The following PDGFD variants were observed in gnomAD, a reference collection of about 807,000 sequenced individuals.
PDGFD encodes the protein platelet derived growth factor D.
In PDGFD, 30 loss-of-function variants were observed where a neutral mutation model predicts 44.7. The ratio of observed to expected loss-of-function variants is 0.67; its 90% CI spans 0.50 to 0.91. The LOEUF (loss-of-function observed/expected upper bound fraction) is 0.91. PDGFD is among the 40% of genes least tolerant of loss of function. The pLI is 0.00. For synonymous variants in PDGFD, 173 were observed against 168.4 expected (o/e 1.03, Z -0.21); for missense variants, 445 against 457.8 (o/e 0.97, Z 0.25).
intron 1 of PDGFD, among the ~76,000 whole-genome samples, chr11:104,034,817 T>C (rs1314451113): frequency 6.6e-6 from 1 of 152,096 alleles, no homozygotes. Context: ...TAATTTTTTG[T>C]ATTTTTAGTA....
intron 3 of PDGFD, among the ~76,000 whole-genome samples, chr11:103,975,660 T>G (rs1268219578): frequency 6.6e-6 from 1 of 152,120 alleles, no homozygotes; most frequent in Non-Finnish European, 1.5e-5. Flanking sequence ...CCATCTTGAG[T>G]TAATTTTGTA....
In PDGFD at chr11:104,119,008, A is replaced by ATATCGATATATTATAT. The variant is rs1555055376; in HGVS notation, c.124+44795_124+44796insATATAATATATCGATA. Among the ~76,000 whole-genome samples the ATATCGATATATTATAT allele has an allele frequency of 9.8e-4, 12 of 12,202 alleles. 5 individuals are homozygous for ATATCGATATATTATAT. The highest frequency in any genetic ancestry group is 3.8e-3 in the African/African-American group (10 of 2,640). The allele number at this position is 12,202 out of a possible 152,430, so 8.0% of individuals were successfully genotyped here. On this transcript the variant is annotated intron_variant, in intron 1 of 6. Transcript: ENST00000393158. ...TAATTTATTAATATAATAAAATAAT[A>ATATCGATATATTATAT]TAATATATTATATAATATATCGATA...
At chr11:103,925,309 G>A (rs981789159) in intron 6 of PDGFD, among the ~76,000 whole-genome samples, 1 of 152,046 alleles carries the variant, frequency 6.6e-6, no homozygotes, top group African/African-American at 2.4e-5. Context: ...TAATCATTTG[G>A]GTATATACCC....
chr11:104,033,612 C>T (rs1038154002), intron 1 of PDGFD, among the ~76,000 whole-genome samples: 1 of 151,836 alleles, frequency 6.6e-6, no homozygotes. Context: ...TTATGAAAAA[C>T]AAAAGGAAGC....
At chr11:104,104,331 G>A (rs372571810) in intron 1 of PDGFD, among the ~76,000 whole-genome samples, 1 of 152,156 alleles carries the variant, frequency 6.6e-6, no homozygotes. Flanking sequence ...TATAGGCTAA[G>A]TGTACAGTGT....
At chr11:104,021,288 G>C (rs1288352375) in intron 1 of PDGFD, among the ~76,000 whole-genome samples, 2 of 152,170 alleles carry the variant, frequency 1.3e-5, no homozygotes, top group African/African-American at 4.8e-5. Flanking sequence ...AGAGAGAAAA[G>C]AGGCCAATTT....
intron 1 of PDGFD, among the ~76,000 whole-genome samples, chr11:104,101,548 A>C (rs908662491): frequency 3.9e-5 from 6 of 152,124 alleles, no homozygotes; most frequent in Admixed American, 2.0e-4. Flanking sequence ...GCTACCAATG[A>C]CTTTCTTCAC....
chr11:104,011,242 C>T (rs1859781798), intron 1 of PDGFD, among the ~76,000 whole-genome samples: 1 of 152,036 alleles, frequency 6.6e-6, no homozygotes, highest in Admixed American at 6.5e-5. Flanking sequence ...TTCTTAGTCA[C>T]TTCTGACTAA....
intron 1 of PDGFD, among the ~76,000 whole-genome samples, chr11:104,051,278 G>A (rs1860532544): frequency 6.6e-6 from 1 of 152,094 alleles, no homozygotes; most frequent in Non-Finnish European, 1.5e-5. Context: ...TAATTTTAAT[G>A]GTATTGACCA....
chr11:104,157,679 C>T lies in PDGFD; in HGVS notation c.124+6125G>A, dbSNP rs970987959. 3.3e-5 allele frequency among the ~76,000 whole-genome samples: 5 copies of T among 152,158 alleles called. 1 individual carries two copies. Among genetic ancestry groups the T allele is most frequent in the African/African-American group, 1.2e-4 (5 of 41,432 alleles). The stretch of plus-strand genomic sequence containing the variant: ...CTGAACTCCTTCAGTCCGGAGAAGG[C>T]ATGCTGGATTTTAACATTTTAAAAA... On this transcript the variant is annotated intron_variant, in intron 1 of 6. Coordinates refer to ENST00000393158, the MANE Select transcript of PDGFD (RefSeq NM_025208.5).
chr11:103,967,978 C>G (rs1321188982), intron 3 of PDGFD, among the ~76,000 whole-genome samples: 2 of 152,128 alleles, frequency 1.3e-5, no homozygotes, highest in African/African-American at 4.8e-5. Flanking sequence ...CTTGCTCCAC[C>G]ACTGTGATGT....
chr11:103,955,976 T>C (rs940328760), intron 3 of PDGFD, among the ~76,000 whole-genome samples: 72 of 152,186 alleles, frequency 4.7e-4, no homozygotes, highest in Admixed American at 1.4e-3. Flanking sequence ...CAAGATATTT[T>C]TAAAAGTTCA....
chr11:104,004,872 C>CTTTTTTTTTTTTTTTTTTTTTTTT (rs33979812), intron 1 of PDGFD, among the ~76,000 whole-genome samples: 1 of 71,892 alleles, frequency 1.4e-5, no homozygotes, highest in Non-Finnish European at 2.4e-5. Context: ...TTATTACCAC[C>CTTTTTTTTTTTTTTTTTTTTTTTT]TTTTTTTTTT....
At chr11:104,084,693 T>C (rs1291756495) in intron 1 of PDGFD, among the ~76,000 whole-genome samples, 1 of 140,386 alleles carries the variant, frequency 7.1e-6, no homozygotes, top group African/African-American at 2.8e-5. Context: ...TTATATAGTG[T>C]ATAATTTTAT....
In PDGFD at chr11:104,046,922, G is replaced by T. The variant is rs928745141; in HGVS notation, c.125-46667C>A. On this transcript the variant is annotated intron_variant, in intron 1 of 6. Transcript: ENST00000393158. ...CCACCCCCGACAGGCTCCAGTGTAT[G>T]ATGTTCCCCTCCCTGTGTCTACATG... Among the ~76,000 whole-genome samples the T allele has an allele frequency of 4.8e-5, 7 of 145,950 alleles. 2 individuals carry two copies. The highest frequency in any genetic ancestry group is 2.1e-4 in the Admixed American group (3 of 14,496).
In PDGFD at chr11:103,976,733, T is replaced by C. The variant is rs928835274; in HGVS notation, c.510+19332A>G. Among the ~76,000 whole-genome samples, 4 of 152,106 alleles carry C rather than the reference T, an allele frequency of 2.6e-5. No individual in the cohort carries two copies. In the South Asian group the frequency reaches 6.2e-4, roughly 24 times the overall value. The stretch of plus-strand genomic sequence containing the variant: ...AGTTTATCTCAATAAACTATTAAGA[T>C]AGTTTATTGAGAGTTTTTAGCATGA... On this transcript the variant is annotated intron_variant, in intron 3 of 6. Coordinates refer to ENST00000393158, the MANE Select transcript of PDGFD (RefSeq NM_025208.5).
intron 5 of PDGFD, among the ~76,000 whole-genome samples, chr11:103,931,081 T>C (rs1288233128): frequency 1.3e-5 from 2 of 152,176 alleles, no homozygotes; most frequent in African/African-American, 4.8e-5. Context: ...CTAGTTTCTG[T>C]AGGACAGATA....
intron 3 of PDGFD, among the ~76,000 whole-genome samples, chr11:103,967,877 C>T: frequency 6.6e-6 from 1 of 152,126 alleles, no homozygotes; most frequent in Non-Finnish European, 1.5e-5. Context: ...TTATTTAAAT[C>T]CTTGACCCTT....
chr11:103,934,016 TAA>T (rs1246512455), intron 5 of PDGFD, among the ~76,000 whole-genome samples: 1 of 152,182 alleles, frequency 6.6e-6, no homozygotes, highest in East Asian at 1.9e-4. Context: ...ATGAAGGTCT[TAA>T]AATTTCTTGT....
Sources: allele counts gnomAD v4.1 joint callset (sites outside exome capture counted in the v4.1 genomes callset), GRCh38; gene constraint gnomAD v4.1.1; transcripts MANE v1.5; gene names NCBI Gene and HGNC (gene_info 2026-07-23, HGNC 2026-07-21).